Variants in PDS5A observed in about 807,000 individuals in gnomAD.
PDS5A encodes the protein sister chromatid cohesion protein PDS5 homolog A.
A neutral mutation model predicts 167.1 loss-of-function variants in PDS5A; 42 were observed. The observed-to-expected ratio is 0.25, with a 90% CI of 0.20 to 0.33. PDS5A has a LOEUF of 0.33. PDS5A is among the 10% of genes least tolerant of loss of function. The pLI, the probability that PDS5A is intolerant of heterozygous loss-of-function variation, is 1.00. For missense variants in PDS5A, 1,033 were observed against 1,605.9 expected, an observed-to-expected ratio of 0.64 and a Z score of 6.10; for synonymous variants, 553 against 554.6, an observed-to-expected ratio of 1.00 and a Z score of 0.04.
intron 26 of PDS5A, among the ~76,000 whole-genome samples, chr4:39,857,471 CA>C (rs1450043825): frequency 1.3e-5 from 2 of 151,182 alleles, no homozygotes; most frequent in African/African-American, 2.4e-5. Flanking sequence ...AGGAATTCAA[CA>C]AAAAACAAAT....
Position 39,866,234 on chromosome 4 carries a change from C to G in PDS5A, c.2642+627G>C, listed in dbSNP as rs527259305. 6.6e-5 allele frequency among the ~76,000 whole-genome samples: 10 copies of G among 152,322 alleles called. No individual in the cohort carries two copies. In the South Asian group the frequency reaches 2.1e-3, roughly 32 times the overall value. On this transcript the variant is annotated intron_variant, in intron 23 of 32. Coordinates refer to ENST00000303538, the MANE Select transcript of PDS5A (RefSeq NM_001100399.2). ...GTTTCAAGCGATTCTCCTGCCTCAG[C>G]CTCCTGAGTAGCTGGGATTACAGGC...
chr4:39,957,664 T>C (rs1018660784), intron 2 of PDS5A, among the ~76,000 whole-genome samples: 3 of 151,312 alleles, frequency 2.0e-5, no homozygotes, highest in East Asian at 2.0e-4. Flanking sequence ...CGGGCGCCTG[T>C]AGTCCCAGCT....
chr4:39,970,579 T>C (rs185706330), intron 2 of PDS5A, among the ~76,000 whole-genome samples: 2 of 151,734 alleles, frequency 1.3e-5, no homozygotes, highest in East Asian at 3.9e-4. Context: ...TTAGATTCCT[T>C]AGAAGAAAGC....
At chr4:39,973,886 G>C (rs1730813870) in intron 2 of PDS5A, 1 of 721,274 alleles carries the variant, frequency 1.4e-6, no homozygotes, top group Non-Finnish European at 2.5e-6. Context: ...AGCACTTTGG[G>C]AGGCCAAGAG....
chr4:39,877,188 A>G (rs369403642), intron 18 of PDS5A, 35 bp from the exon 19 acceptor site: 46 of 1,357,988 alleles, frequency 3.4e-5, no homozygotes, highest in Admixed American at 4.9e-5. Flanking sequence ...AAGTACAGAC[A>G]ATGGTTTTAA....
intron 12 of PDS5A, 58 bp downstream of exon 12, chr4:39,903,957 GAAATTACTAAAATATTAAATAGACA>G: frequency 1.5e-6 from 1 of 682,288 alleles, no homozygotes; most frequent in Non-Finnish European, 2.2e-6. Flanking sequence ...ATAAAAATAA[GAAATTACTAAAATATTAAATAGACA>G]TTTTTTAAGT....
chr4:39,858,496 C>T (rs757651302), intron 26 of PDS5A, among the ~76,000 whole-genome samples: 59 of 152,190 alleles, frequency 3.9e-4, no homozygotes, highest in Non-Finnish European at 8.5e-4. Flanking sequence ...ACTGGAAAAA[C>T]TGGATATTCA....
chr4:39,957,786 C>CAA (rs34253629), intron 2 of PDS5A, among the ~76,000 whole-genome samples: 46 of 87,738 alleles, frequency 5.2e-4, no homozygotes, highest in South Asian at 3.3e-3. Flanking sequence ...GACTCCATCT[C>CAA]AAAAAAAAAA....
chr4:39,862,699 A>G (rs1442632743), intron 25 of PDS5A, among the ~76,000 whole-genome samples, 170 bp downstream of exon 25: 2 of 152,218 alleles, frequency 1.3e-5, no homozygotes, highest in African/African-American at 4.8e-5. Context: ...CAGCATAAAT[A>G]GGACTCAGGA....
intron 2 of PDS5A, chr4:39,974,424 A>G: frequency 3.1e-6 from 1 of 319,696 alleles, no homozygotes; most frequent in Non-Finnish European, 6.1e-6. Flanking sequence ...TTAACGATCC[A>G]TCAATTGTTT....
intron 2 of PDS5A, among the ~76,000 whole-genome samples, chr4:39,960,224 G>A (rs1029477814): frequency 3.3e-5 from 5 of 152,118 alleles, no homozygotes. Flanking sequence ...AGCCGAAATT[G>A]TACCACTGCA....
At chr4:39,912,141 T>C (rs561116312) in intron 9 of PDS5A, among the ~76,000 whole-genome samples, 4 of 152,306 alleles carry the variant, frequency 2.6e-5, no homozygotes, top group Middle Eastern at 3.4e-3. Flanking sequence ...TTATACATTA[T>C]TAATGATCAA....
chr4:39,965,305 T>C (rs1032855139), intron 2 of PDS5A, among the ~76,000 whole-genome samples: 1 of 152,190 alleles, frequency 6.6e-6, no homozygotes, highest in African/African-American at 2.4e-5. Context: ...CTTTCAGCTG[T>C]TCCCACTAAG....
chr4:39,842,793 T>C (rs1002477783), intron 30 of PDS5A, among the ~76,000 whole-genome samples: 5 of 150,980 alleles, frequency 3.3e-5, no homozygotes, highest in African/African-American at 1.2e-4. Context: ...ATGAAAAAAA[T>C]TGCAGGTAGA....
chr4:39,973,195 T>C, intron 2 of PDS5A: 1 of 1,213,184 alleles, frequency 8.2e-7, no homozygotes. Flanking sequence ...TTGGTGGGCT[T>C]GTAATATAGC....
At chr4:39,905,847 A>C (rs1422607634) in intron 11 of PDS5A, among the ~76,000 whole-genome samples, 1 of 149,174 alleles carries the variant, frequency 6.7e-6, no homozygotes, top group Non-Finnish European at 1.5e-5. Flanking sequence ...GAAGAAAAGG[A>C]AAGGAGGGAA....
At chr4:39,951,407 T>C (rs1332249355) in intron 2 of PDS5A, among the ~76,000 whole-genome samples, 1 of 152,210 alleles carries the variant, frequency 6.6e-6, no homozygotes, top group Non-Finnish European at 1.5e-5. Flanking sequence ...TGTCTCAAAA[T>C]CAGCAGTTTT....
intron 4 of PDS5A, among the ~76,000 whole-genome samples, chr4:39,926,409 T>TC (rs973269981): frequency 1.3e-5 from 2 of 151,482 alleles, no homozygotes; most frequent in Non-Finnish European, 2.9e-5. Context: ...TCTCAGCTAC[T>TC]CGGGAGGCTG....
rs1040146088 is a variant in PDS5A at position 39,915,932 on chromosome 4, A to G, written c.876+1116T>C. Reference sequence around the variant, plus strand: ...GAAAACTCGCCCCTCTGCTATTTGTAAAAGTCAAAATATATTCCTTGACCA... The same window carrying G: ...GAAAACTCGCCCCTCTGCTATTTGTGAAAGTCAAAATATATTCCTTGACCA... On this transcript the variant is annotated intron_variant, in intron 8 of 32. Transcript: ENST00000303538. Among the ~76,000 whole-genome samples the G allele has an allele frequency of 2.0e-4, 31 of 152,312 alleles. 1 individual carries two copies. Among genetic ancestry groups the G allele is most frequent in the Non-Finnish European group, 7.4e-5 (5 of 68,018 alleles).
Sources: allele counts gnomAD v4.1 joint callset (sites outside exome capture counted in the v4.1 genomes callset), GRCh38; gene constraint gnomAD v4.1.1; transcripts MANE v1.5; gene names NCBI Gene and HGNC (gene_info 2026-07-23, HGNC 2026-07-21).